CLSTN2: variants seen among roughly 807,000 people sequenced by gnomAD.
The protein encoded by CLSTN2 is calsyntenin 2.
CLSTN2 carries 48 observed loss-of-function variants against 101.2 expected under a neutral mutation model. The ratio of observed to expected loss-of-function variants is 0.47; its 90% CI spans 0.38 to 0.60. The LOEUF is 0.60. Among genes scored for constraint, CLSTN2 ranks in the 20% least tolerant of loss-of-function variants. The probability of loss-of-function intolerance (pLI) is 0.00; values close to 1 mark genes in which losing one functional copy is unlikely to be tolerated. For missense variants in CLSTN2, 1,160 were observed against 1,238.2 expected (o/e 0.94, Z 0.95); for synonymous variants, 481 against 463.6 (o/e 1.04, Z -0.48).
chr3:140,056,493 A>T (rs1465888437), intron 1 of CLSTN2, among the ~76,000 whole-genome samples: 7 of 152,128 alleles, frequency 4.6e-5, no homozygotes, highest in Non-Finnish European at 8.8e-5. Context: ...CTTTCTGAGG[A>T]CAGGACTGAA....
At chr3:140,500,743 C>T (rs774481889) in intron 8 of CLSTN2, among the ~76,000 whole-genome samples, 11 of 152,000 alleles carry the variant, frequency 7.2e-5, no homozygotes, top group South Asian at 2.1e-4. Context: ...ATTTGTAGAA[C>T]GCATATTATA....
rs563671696 is a variant in CLSTN2, at chr3:139,998,029, T to C, written c.109+62546T>C. On this transcript the variant is annotated intron_variant, in intron 1 of 16. Coordinates refer to ENST00000458420, the MANE Select transcript of CLSTN2 (RefSeq NM_022131.3). The stretch of plus-strand genomic sequence containing the variant: ...TTCCCAGTCAGAGGTATATCCAGTA[T>C]TAGAAAAAAACCTTGATGGACATTT... Among the ~76,000 whole-genome samples, 4 of 152,328 alleles carry C rather than the reference T, an allele frequency of 2.6e-5. No homozygotes were observed. In the South Asian group the frequency reaches 8.3e-4, roughly 32 times the overall value.
At chr3:140,360,516 T>G (rs926340039) in intron 2 of CLSTN2, among the ~76,000 whole-genome samples, 3 of 152,152 alleles carry the variant, frequency 2.0e-5, no homozygotes, top group Non-Finnish European at 4.4e-5. Flanking sequence ...ACTGAAAAAG[T>G]CATTCTTACA....
intron 1 of CLSTN2, among the ~76,000 whole-genome samples, chr3:139,952,172 C>T (rs1312590170): frequency 1.3e-5 from 2 of 152,186 alleles, no homozygotes; most frequent in South Asian, 2.1e-4. Context: ...ATAAAAATTT[C>T]AGCCCAACAG....
rs369019564 is a variant in CLSTN2, at chr3:140,206,577, T to G, written c.232+30504T>G. On this transcript the variant is annotated intron_variant, in intron 2 of 16. Coordinates refer to ENST00000458420, the MANE Select transcript of CLSTN2 (RefSeq NM_022131.3). Reference sequence around the variant, plus strand: ...GAAAACCAAACACTGGGCTCTTATCTTCCAGACCTAAATTAGCTCCCCAAA... The same window carrying G: ...GAAAACCAAACACTGGGCTCTTATCGTCCAGACCTAAATTAGCTCCCCAAA... Among the ~76,000 whole-genome samples, 28 of 152,340 alleles carry G rather than the reference T, an allele frequency of 1.8e-4. No individual in the cohort carries two copies. In the East Asian group the frequency reaches 3.3e-3, roughly 18 times the overall value.
chr3:140,058,699 T>A (rs2008142345), intron 1 of CLSTN2, among the ~76,000 whole-genome samples: 1 of 151,326 alleles, frequency 6.6e-6, no homozygotes, highest in African/African-American at 2.4e-5. Flanking sequence ...CAGAGGGAGA[T>A]ATGCAAAATT....
At chr3:140,470,218 C>T (rs1276916199) in intron 8 of CLSTN2, among the ~76,000 whole-genome samples, 4 of 152,212 alleles carry the variant, frequency 2.6e-5, no homozygotes, top group Admixed American at 1.3e-4. Context: ...TGTGGGGTAC[C>T]TGGGATTAGT....
At chr3:140,480,468 G>A (rs1020389177) in intron 8 of CLSTN2, among the ~76,000 whole-genome samples, 3 of 152,154 alleles carry the variant, frequency 2.0e-5, no homozygotes, top group Admixed American at 6.5e-5. Flanking sequence ...CCCAGTAATG[G>A]GATGGCTGGG....
intron 1 of CLSTN2, among the ~76,000 whole-genome samples, chr3:139,996,903 C>T (rs992266171): frequency 5.9e-5 from 9 of 151,730 alleles, no homozygotes; most frequent in South Asian, 2.1e-4. Flanking sequence ...CAAAATTAGC[C>T]GGGCGTGGTG....
chr3:140,415,486 C>CAAAAAAAAAAAAAAGA (rs2088419290), intron 4 of CLSTN2, among the ~76,000 whole-genome samples: 2 of 56,868 alleles, frequency 3.5e-5, no homozygotes, highest in African/African-American at 7.7e-5. Flanking sequence ...CACAAAATAG[C>CAAAAAAAAAAAAAAGA]AAAAAAAAAA....
chr3:140,408,096 A>G (rs192219303), intron 4 of CLSTN2, among the ~76,000 whole-genome samples: 93 of 152,320 alleles, frequency 6.1e-4, no homozygotes. Context: ...ACACAGTATA[A>G]GAAAAACAAT....
chr3:140,442,663 T>C (rs1430506640), intron 5 of CLSTN2, among the ~76,000 whole-genome samples: 1 of 151,908 alleles, frequency 6.6e-6, no homozygotes, highest in East Asian at 1.9e-4. Flanking sequence ...CTATCAGGAG[T>C]ATCCTGCTGT....
chr3:140,340,554 G>C (rs532174868), intron 2 of CLSTN2, among the ~76,000 whole-genome samples: 1 of 152,174 alleles, frequency 6.6e-6, no homozygotes, highest in East Asian at 1.9e-4. Context: ...TTTTAGAGCT[G>C]TTTCAGATTG....
intron 2 of CLSTN2, among the ~76,000 whole-genome samples, chr3:140,284,961 AG>A (rs1469215052): frequency 6.6e-6 from 1 of 152,046 alleles, no homozygotes; most frequent in Non-Finnish European, 1.5e-5. Flanking sequence ...CCTGAGACAA[AG>A]GCTTGCATGC....
intron 1 of CLSTN2, among the ~76,000 whole-genome samples, chr3:139,978,750 G>A (rs1415342905): frequency 3.3e-5 from 5 of 150,358 alleles, no homozygotes; most frequent in African/African-American, 1.2e-4. Flanking sequence ...ATCTTCCAAA[G>A]TAGAAAGTCA....
intron 2 of CLSTN2, among the ~76,000 whole-genome samples, chr3:140,236,817 G>A (rs142698579): frequency 1.5e-5 from 2 of 129,460 alleles, no homozygotes; most frequent in Non-Finnish European, 3.2e-5. Flanking sequence ...TACATGTTAT[G>A]TTATATAGTG....
chr3:140,118,737 A>T lies in CLSTN2; in HGVS notation c.110-57214A>T, dbSNP rs376051296. On this transcript the variant is annotated intron_variant, in intron 1 of 16. Transcript: ENST00000458420. ...TTGAATTACAGATACTGGAAAAGTTATTTAACCTCTTCAAGACTCAGTTTC... is the reference window on the plus strand; with the variant it reads ...TTGAATTACAGATACTGGAAAAGTTTTTTAACCTCTTCAAGACTCAGTTTC... 1.1e-3 allele frequency among the ~76,000 whole-genome samples: 164 copies of T among 152,220 alleles called. 4 individuals are homozygous for T. The South Asian group carries it at 0.033, about 31-fold the overall frequency.
intron 2 of CLSTN2, among the ~76,000 whole-genome samples, chr3:140,362,480 T>A (rs1472917703): frequency 6.6e-6 from 1 of 152,174 alleles, no homozygotes; most frequent in Non-Finnish European, 1.5e-5. Flanking sequence ...AATTTTAAAC[T>A]TTTGTGCTTC....
chr3:140,533,223 G>A (rs941895988), intron 9 of CLSTN2, among the ~76,000 whole-genome samples: 1 of 152,196 alleles, frequency 6.6e-6, no homozygotes, highest in Non-Finnish European at 1.5e-5. Context: ...CTTTGTTTCA[G>A]CTCCTTTAAG....
Sources: allele counts gnomAD v4.1 joint callset (sites outside exome capture counted in the v4.1 genomes callset), GRCh38; gene constraint gnomAD v4.1.1; transcripts MANE v1.5; gene names NCBI Gene and HGNC (gene_info 2026-07-23, HGNC 2026-07-21).